SLC15A1: variants seen among roughly 807,000 people sequenced by gnomAD.
SLC15A1 encodes Caco-2 oligopeptide transporter.
SLC15A1 carries 83 observed loss-of-function variants against 92.9 expected under a neutral mutation model. The ratio of observed to expected loss-of-function variants is 0.89; its 90% CI spans 0.75 to 1.07. The LOEUF (loss-of-function observed/expected upper bound fraction) is 1.07, where lower values mean the gene tolerates loss of function less well. Among genes scored for constraint, SLC15A1 ranks in the 50% least tolerant of loss-of-function variants. The pLI is 0.00. For missense variants in SLC15A1, 857 were observed against 880.1 expected, an observed-to-expected ratio of 0.97 and a Z score of 0.33; for synonymous variants, 322 against 318.2, an observed-to-expected ratio of 1.01 and a Z score of -0.13.
rs552087751 is a variant in SLC15A1, at chr13:98,737,390, G to A, written c.5-10531C>T. ...TATAGCATTAGGAGAAATACCTAAT[G>A]TAAATGACGGGTTAATGGGTGCAGC... On this transcript the variant is annotated intron_variant, in intron 1 of 22. Coordinates refer to ENST00000376503, the MANE Select transcript of SLC15A1 (RefSeq NM_005073.4). Among the ~76,000 whole-genome samples the A allele has an allele frequency of 9.2e-5, 14 of 152,278 alleles. No homozygotes were observed. The East Asian group carries it at 2.7e-3, about 29-fold the overall frequency.
At chr13:98,685,928 G>A (rs1158115435) in intron 22 of SLC15A1, among the ~76,000 whole-genome samples, 3 of 151,754 alleles carry the variant, frequency 2.0e-5, no homozygotes, top group Non-Finnish European at 4.4e-5. Flanking sequence ...GGAGGTTGCA[G>A]TGAGCCAAGA....
intron 18 of SLC15A1, among the ~76,000 whole-genome samples, chr13:98,695,478 C>T (rs1245248270): frequency 5.3e-5 from 8 of 152,216 alleles, no homozygotes; most frequent in South Asian, 2.1e-4. Context: ...CTGCAACCTC[C>T]GTGCCCCAGG....
intron 15 of SLC15A1, among the ~76,000 whole-genome samples, chr13:98,707,049 C>G (rs1782672): frequency 0.15 from 23,367 of 152,182 alleles, 3,090 homozygotes; most frequent in African/African-American, 0.36. Flanking sequence ...GCCTGATGCT[C>G]TCCTGCCTCC....
intron 3 of SLC15A1, 29 bp downstream of exon 3, chr13:98,726,339 G>A (rs2088300226): frequency 1.2e-6 from 2 of 1,614,082 alleles, no homozygotes; most frequent in East Asian, 4.5e-5. Flanking sequence ...GCTCTTCCCT[G>A]AAGGGTGAGA....
At chr13:98,729,198 A>G (rs1385501581) in intron 1 of SLC15A1, among the ~76,000 whole-genome samples, 1 of 151,932 alleles carries the variant, frequency 6.6e-6, no homozygotes, top group Non-Finnish European at 1.5e-5. Flanking sequence ...TATTAATATT[A>G]ATATTGTGTA....
At chr13:98,726,065 A>G in intron 4 of SLC15A1, 58 bp downstream of exon 4, 1 of 1,594,838 alleles carries the variant, frequency 6.3e-7, no homozygotes, top group Non-Finnish European at 8.5e-7. Context: ...ATTCCCAACT[A>G]CAAAACCTAC....
At chr13:98,714,039 T>A (rs1410447703) in intron 9 of SLC15A1, among the ~76,000 whole-genome samples, 2 of 135,724 alleles carry the variant, frequency 1.5e-5, no homozygotes, top group East Asian at 4.2e-4. Flanking sequence ...GGTGTCAGAG[T>A]GAGACTCTGT....
At chr13:98,689,901 G>C (rs142537918) in intron 18 of SLC15A1, among the ~76,000 whole-genome samples, 1 of 152,172 alleles carries the variant, frequency 6.6e-6, no homozygotes, top group Non-Finnish European at 1.5e-5. Context: ...ACAAAGTCCC[G>C]TGAGGCTACG....
intron 1 of SLC15A1, among the ~76,000 whole-genome samples, chr13:98,745,408 C>T (rs551125697): frequency 6.6e-6 from 1 of 152,298 alleles, no homozygotes; most frequent in Non-Finnish European, 1.5e-5. Flanking sequence ...GCCCATCCCC[C>T]CACAAATTCA....
chr13:98,732,479 C>T (rs2088359028), intron 1 of SLC15A1, among the ~76,000 whole-genome samples: 1 of 152,036 alleles, frequency 6.6e-6, no homozygotes, highest in African/African-American at 2.4e-5. Flanking sequence ...GGACAGGGAA[C>T]ACAGGAGAAA....
intron 20 of SLC15A1, 81 bp from the exon 21 acceptor site, chr13:98,687,805 C>T (rs2087942434): frequency 1.3e-6 from 2 of 1,506,508 alleles, no homozygotes; most frequent in Admixed American, 1.9e-5. Context: ...TTGAGTTTGA[C>T]CTTCTAGGAT....
chr13:98,709,522 A>G (rs1431796992), intron 14 of SLC15A1, 50 bp downstream of exon 14: 1 of 1,513,614 alleles, frequency 6.6e-7, no homozygotes, highest in East Asian at 2.3e-5. Flanking sequence ...CCATCTGCAA[A>G]GCCCTGGGAC....
chr13:98,706,300 T>A (rs776227465), intron 15 of SLC15A1, 47 bp from the exon 16 acceptor site: 1 of 1,598,484 alleles, frequency 6.3e-7, no homozygotes, highest in Non-Finnish European at 8.5e-7. Flanking sequence ...CAATACAACA[T>A]GGAAAGTCAT....
intron 18 of SLC15A1, among the ~76,000 whole-genome samples, chr13:98,691,751 T>C (rs1461894174): frequency 6.6e-6 from 1 of 152,196 alleles, no homozygotes; most frequent in Non-Finnish European, 1.5e-5. Flanking sequence ...CCAGTGATCA[T>C]AACCTCTGTA....
At position 98,702,989 on chromosome 13, in the gene SLC15A1, A is replaced by AAAG. The variant is rs1216073892; in HGVS notation, c.1417-461_1417-460insCTT. On this transcript the variant is annotated intron_variant, in intron 17 of 22. Coordinates refer to ENST00000376503, the MANE Select transcript of SLC15A1 (RefSeq NM_005073.4). ...TCTCAAAAAAAAAAAAAAAAAAAAA[A>AAAG]AAAAGAAAAGAAAAAGAGGGTTTCT... Among the ~76,000 whole-genome samples the AAAG allele has an allele frequency of 3.4e-3, 484 of 143,838 alleles. 1 individual carries two copies. The highest frequency in any genetic ancestry group is 5.8e-3 in the Non-Finnish European group (384 of 66,662). The allele number at this position is 143,838 out of a possible 152,430, so 94.4% of individuals were successfully genotyped here. A position where few individuals can be genotyped will look rare whatever the true frequency, so the allele number is the denominator to read the frequency against.
chr13:98,729,298 C>G (rs926751449), intron 1 of SLC15A1, among the ~76,000 whole-genome samples: 8 of 152,138 alleles, frequency 5.3e-5, no homozygotes, highest in Non-Finnish European at 1.2e-4. Context: ...CCTATGGCAA[C>G]CCCAGTGTTT....
At chr13:98,704,484 C>A in intron 16 of SLC15A1, 49 bp from the exon 17 acceptor site, 1 of 1,542,808 alleles carries the variant, frequency 6.5e-7, no homozygotes, top group South Asian at 1.2e-5. Context: ...AGTCTCGGCA[C>A]TATGCAACTG....
chr13:98,729,787 G>T (rs1262431497), intron 1 of SLC15A1, among the ~76,000 whole-genome samples: 1 of 152,168 alleles, frequency 6.6e-6, no homozygotes, highest in South Asian at 2.1e-4. Flanking sequence ...TGACCACGGG[G>T]CCCTCCAGGC....
chr13:98,697,305 C>G lies in SLC15A1; in HGVS notation c.1466+5175G>C, dbSNP rs1324420602. Among the ~76,000 whole-genome samples the G allele has an allele frequency of 2.6e-5, 4 of 152,202 alleles. No individual in the cohort carries two copies. In the East Asian group the frequency reaches 7.7e-4, roughly 29 times the overall value. ...TCCCGACCTCCTGATCTGCCTGCCTCGCCTTCCCAAAGTGCTGCGATTACA... is the reference window on the plus strand; with the variant it reads ...TCCCGACCTCCTGATCTGCCTGCCTGGCCTTCCCAAAGTGCTGCGATTACA... On this transcript the variant is annotated intron_variant, in intron 18 of 22. Transcript: ENST00000376503.
Sources: gnomAD v4.1 joint callset for allele counts (sites outside exome capture counted in the v4.1 genomes callset) on GRCh38, gnomAD v4.1.1 for gene constraint, MANE v1.5 for transcripts, NCBI Gene and HGNC (gene_info 2026-07-23, HGNC 2026-07-21) for gene names.